LRIG3: variants seen among roughly 807,000 people sequenced by gnomAD.
LRIG3 encodes the protein leucine-rich repeats and immunoglobulin-like domains protein 3.
Under a neutral mutation model 114.5 loss-of-function variants are expected in LRIG3, and 76 were observed. The ratio of observed to expected loss-of-function variants is 0.66; its 90% CI spans 0.55 to 0.80. The LOEUF (loss-of-function observed/expected upper bound fraction) is 0.80, where lower values mean the gene tolerates loss of function less well. Among genes scored for constraint, LRIG3 ranks in the 30% least tolerant of loss-of-function variants. The pLI, the probability that LRIG3 is intolerant of heterozygous loss-of-function variation, is 0.00. For synonymous variants in LRIG3, 512 were observed against 519.8 expected (o/e 0.98, Z 0.20); for missense variants, 1,239 against 1,382.8 (o/e 0.90, Z 1.65).
intron 3 of LRIG3, among the ~76,000 whole-genome samples, chr12:58,907,653 CATCTT>C (rs758118418): frequency 6.6e-6 from 1 of 152,210 alleles, no homozygotes; most frequent in Non-Finnish European, 1.5e-5. Flanking sequence ...GATGGGCAGA[CATCTT>C]AGACTGTTTT....
At chr12:58,913,649 A>G (rs1207234336) in intron 3 of LRIG3, 2 of 197,836 alleles carry the variant, frequency 1.0e-5, no homozygotes, top group East Asian at 2.7e-4. Flanking sequence ...TCCCCATGCC[A>G]ACCATTGAGC....
intron 10 of LRIG3, among the ~76,000 whole-genome samples, chr12:58,885,521 C>T (rs1215052322): frequency 6.6e-6 from 1 of 151,502 alleles, no homozygotes; most frequent in Non-Finnish European, 1.5e-5. Context: ...ATGAACTACA[C>T]CTAGTAGTTT....
intron 12 of LRIG3, 36 bp downstream of exon 12, chr12:58,882,833 G>T: frequency 6.5e-7 from 1 of 1,545,632 alleles, no homozygotes; most frequent in Non-Finnish European, 8.7e-7. Flanking sequence ...GAAAAAAGAA[G>T]AATAAATAAA....
chr12:58,914,218 G>A (rs1872391552), intron 2 of LRIG3, 47 bp downstream of exon 2: 2 of 1,559,042 alleles, frequency 1.3e-6, no homozygotes, highest in Non-Finnish European at 1.8e-6. Flanking sequence ...AGTATAAGGG[G>A]TAACGTATTT....
In LRIG3 at chr12:58,880,796, G is replaced by A. The variant is rs936444813; in HGVS notation, c.1586C>T (p.Pro529Leu). 6.2e-7 allele frequency: 1 copy of A among 1,614,062 alleles called. No homozygotes were observed. The highest frequency in any genetic ancestry group is 1.3e-5 in the African/African-American group (1 of 74,920). ...ICSAASSSDS[P>L]MTFAWKKDNE... is the part of the protein sequence containing the mutation. ...GTCTTTTTTCCAAGCAAAAGTCATTGGGGAATCACTGCTGCTGGCAGCTGA... is the reference window on the plus strand; with the variant it reads ...GTCTTTTTTCCAAGCAAAAGTCATTAGGGAATCACTGCTGCTGGCAGCTGA... Residue 529 changes from proline (P) to leucine (L), a missense_variant, in exon 13 of 19, where the codon CCA (proline) becomes CTA (leucine). Coordinates refer to ENST00000320743, the MANE Select transcript of LRIG3 (RefSeq NM_153377.5).
chr12:58,894,368 TA>T (rs1312995861), intron 3 of LRIG3, among the ~76,000 whole-genome samples: 1 of 152,192 alleles, frequency 6.6e-6, no homozygotes, highest in Non-Finnish European at 1.5e-5. Flanking sequence ...CGTTTCTTAT[TA>T]GCTCTCAGAC....
intron 11 of LRIG3, 37 bp downstream of exon 11, chr12:58,883,483 A>G: frequency 6.8e-7 from 1 of 1,459,992 alleles, no homozygotes; most frequent in South Asian, 1.4e-5. Context: ...TTTCCCCTCT[A>G]TACTTTCAGA....
chr12:58,901,127 G>T (rs144050301), intron 3 of LRIG3, among the ~76,000 whole-genome samples: 3 of 152,196 alleles, frequency 2.0e-5, no homozygotes, highest in African/African-American at 7.2e-5. Flanking sequence ...GCTGGGATAA[G>T]GCAGTGTTTT....
intron 13 of LRIG3, 52 bp downstream of exon 13, chr12:58,880,529 T>C (rs1871091054): frequency 1.3e-6 from 2 of 1,562,638 alleles, no homozygotes; most frequent in East Asian, 2.3e-5. Context: ...ACAGGTGCTT[T>C]CTATTTCTAA....
intron 3 of LRIG3, among the ~76,000 whole-genome samples, chr12:58,895,280 C>G (rs958768911): frequency 6.6e-6 from 1 of 151,958 alleles, no homozygotes; most frequent in Non-Finnish European, 1.5e-5. Flanking sequence ...GTAAGTGCAG[C>G]GACAGGAAAG....
At chr12:58,882,808 G>C in intron 12 of LRIG3, 61 bp downstream of exon 12, 1 of 1,494,010 alleles carries the variant, frequency 6.7e-7, no homozygotes, top group Non-Finnish European at 9.0e-7. Flanking sequence ...CCATTATTTG[G>C]ATAAATGGGA....
intron 1 of LRIG3, chr12:58,919,577 A>C: frequency 2.6e-6 from 4 of 1,540,918 alleles, no homozygotes; most frequent in Non-Finnish European, 2.6e-6. Flanking sequence ...AGTCTGACGC[A>C]GCTAGAAACT....
At chr12:58,915,561 A>T (rs1872449177) in intron 1 of LRIG3, among the ~76,000 whole-genome samples, 4 of 152,174 alleles carry the variant, frequency 2.6e-5, no homozygotes, top group Admixed American at 2.6e-4. Flanking sequence ...TAAAAAAAAA[A>T]ATCTGCAAGG....
rs760562445 is a variant in LRIG3, at chr12:58,890,648, A to G, written c.515+17T>C. 6.5e-7 allele frequency: 1 copy of G among 1,547,988 alleles called. No homozygotes were observed. The highest frequency in any genetic ancestry group is 8.7e-7 in the Non-Finnish European group (1 of 1,150,882). ...TCATTACAGGTGAAAGTTTTTGCTA[A>G]AGAAAACTTCACTTACAGATATTTG... On this transcript the variant is annotated intron_variant, in intron 4 of 18. Coordinates refer to ENST00000320743, the MANE Select transcript of LRIG3 (RefSeq NM_153377.5).
At chr12:58,905,545 CA>C (rs1301453170) in intron 3 of LRIG3, among the ~76,000 whole-genome samples, 1 of 152,216 alleles carries the variant, frequency 6.6e-6, no homozygotes, top group Non-Finnish European at 1.5e-5. Context: ...GTGGTTTTAA[CA>C]TGTGTCCTCT....
intron 3 of LRIG3, among the ~76,000 whole-genome samples, chr12:58,896,620 T>A (rs950959201): frequency 6.6e-6 from 1 of 152,230 alleles, no homozygotes; most frequent in African/African-American, 2.4e-5. Context: ...GGTATCTGCA[T>A]GCAGCATTTG....
chr12:58,890,161 G>A (rs1871407749), intron 4 of LRIG3, 22 bp from the exon 5 acceptor site: 1 of 1,609,262 alleles, frequency 6.2e-7, no homozygotes, highest in Non-Finnish European at 8.5e-7. Context: ...TTAAAGATGA[G>A]CTTCTCCTTC....
intron 18 of LRIG3, 90 bp downstream of exon 18, chr12:58,873,965 A>G (rs762848222): frequency 1.4e-6 from 2 of 1,446,150 alleles, no homozygotes; most frequent in Non-Finnish European, 1.9e-6. Flanking sequence ...ATTTTTTACC[A>G]GTTTGACATT....
Position 58,883,084 on chromosome 12 carries a change from C to T in LRIG3, c.1317-52G>A, listed in dbSNP as rs372621023. ...GTTCTGTATGAAATGCAGATTTCTACAAGTAAACTAAACCCAAGTAAATAT... is the reference window on the plus strand; with the variant it reads ...GTTCTGTATGAAATGCAGATTTCTATAAGTAAACTAAACCCAAGTAAATAT... On this transcript the variant is annotated intron_variant, in intron 11 of 18. Coordinates refer to ENST00000320743, the MANE Select transcript of LRIG3 (RefSeq NM_153377.5). The T allele has an allele frequency of 4.6e-6, 7 of 1,525,690 alleles. No individual in the cohort carries two copies. The African/African-American group carries it at 8.3e-5, about 18-fold the overall frequency. 94.5% of individuals were successfully genotyped at this position (1,525,690 alleles called of 1,614,324 possible).
Sources: allele counts gnomAD v4.1 joint callset (sites outside exome capture counted in the v4.1 genomes callset), GRCh38; gene constraint gnomAD v4.1.1; transcripts MANE v1.5; gene names NCBI Gene and HGNC (gene_info 2026-07-23, HGNC 2026-07-21).